The following ARHGEF18 variants were observed in gnomAD, a reference collection of about 807,000 sequenced individuals.
ARHGEF18 encodes the protein rho guanine nucleotide exchange factor 18.
ARHGEF18 carries 93 observed loss-of-function variants against 155.7 expected under a neutral mutation model. The observed-to-expected ratio is 0.60, with a 90% CI of 0.50 to 0.71. ARHGEF18 has a LOEUF of 0.71. Among genes scored for constraint, ARHGEF18 ranks in the 30% least tolerant of loss-of-function variants. ARHGEF18 has a pLI of 0.00. For missense variants in ARHGEF18, 1,593 were observed against 1,816.1 expected (o/e 0.88, Z 2.23); for synonymous variants, 742 against 753.1 (o/e 0.99, Z 0.24).
chr19:7,421,723 C>A (rs949272475), intron 10 of ARHGEF18, among the ~76,000 whole-genome samples: 3 of 152,124 alleles, frequency 2.0e-5, no homozygotes, highest in African/African-American at 7.2e-5. Context: ...GATGGTGCCA[C>A]TGCACTCCAG....
intron 10 of ARHGEF18, among the ~76,000 whole-genome samples, chr19:7,423,561 C>T (rs915629220): frequency 2.6e-5 from 4 of 151,838 alleles, no homozygotes; most frequent in South Asian, 2.1e-4. Context: ...ATTAGCCGGG[C>T]GTGGTAATGC....
chr19:7,469,931 T>C lies in ARHGEF18; in HGVS notation c.3815T>C (p.Leu1272Pro). 7 of 1,612,952 alleles carry C rather than the reference T, an allele frequency of 4.3e-6. No homozygotes were observed. Among genetic ancestry groups the C allele is most frequent in the Non-Finnish European group, 5.9e-6 (7 of 1,179,834 alleles). The change falls in exon 28 of 29, where the codon CTG becomes CCG. Residue 1272 changes from leucine to proline, a missense_variant. Physicochemically the swap from Leu to Pro is moderately conservative, Grantham distance 98. Transcript: ENST00000668164. ...TCCTTCGACCTGAAGCAGCAGCTGC[T>C]GCTCAACAAGCTCATGGGGAAAGAT... ...SASFDLKQQL[L>P]LNKLMGKDES... is the part of the protein sequence containing the mutation.
At chr19:7,349,886 G>C (rs78529044) in intron 1 of ARHGEF18, among the ~76,000 whole-genome samples, 3 of 152,018 alleles carry the variant, frequency 2.0e-5, no homozygotes, top group African/African-American at 7.2e-5. Flanking sequence ...TGCAGATTCC[G>C]GGCCCCCCAA....
intron 23 of ARHGEF18, among the ~76,000 whole-genome samples, chr19:7,465,956 T>C (rs1298549972): frequency 6.6e-6 from 1 of 152,096 alleles, no homozygotes; most frequent in Non-Finnish European, 1.5e-5. Context: ...TGGTGGTGGA[T>C]ACCTGTAATC....
chr19:7,429,975 T>A (rs1329134694), intron 10 of ARHGEF18, among the ~76,000 whole-genome samples: 1 of 152,124 alleles, frequency 6.6e-6, no homozygotes, highest in Non-Finnish European at 1.5e-5. Flanking sequence ...CTTTTTTTTT[T>A]TTTAAGGAAA....
intron 10 of ARHGEF18, among the ~76,000 whole-genome samples, chr19:7,391,752 G>A (rs2145511459): frequency 6.6e-6 from 1 of 151,866 alleles, no homozygotes; most frequent in East Asian, 1.9e-4. Flanking sequence ...CAGGACCAGG[G>A]GAGCCACTGG....
At chr19:7,405,965 C>T (rs1972282570) in intron 10 of ARHGEF18, among the ~76,000 whole-genome samples, 2 of 152,184 alleles carry the variant, frequency 1.3e-5, no homozygotes, top group Admixed American at 1.3e-4. Context: ...AGGCTCTTTA[C>T]AACACAGTGA....
intron 20 of ARHGEF18, among the ~76,000 whole-genome samples, chr19:7,461,669 T>G (rs962004666): frequency 1.1e-4 from 17 of 152,104 alleles, no homozygotes; most frequent in African/African-American, 4.1e-4. Flanking sequence ...CCTACTGTGT[T>G]TGATTTTATT....
chr19:7,388,901 ATATACT>A (rs1352618157), intron 10 of ARHGEF18, among the ~76,000 whole-genome samples: 1 of 151,998 alleles, frequency 6.6e-6, no homozygotes, highest in Non-Finnish European at 1.5e-5. Context: ...TTTTTAAAAA[ATATACT>A]TTTAATTTTA....
chr19:7,429,027 C>T (rs1973814373), intron 10 of ARHGEF18, among the ~76,000 whole-genome samples: 1 of 152,230 alleles, frequency 6.6e-6, no homozygotes, highest in Non-Finnish European at 1.5e-5. Context: ...AGGCCACGGG[C>T]CCGAGGGCAG....
At position 7,462,919 on chromosome 19, in the gene ARHGEF18, C is replaced by T. The variant is rs1274451585; in HGVS notation, c.2635+585C>T. ...TGGCGTGATCTCGGCTCACTGCAAC[C>T]TCCACCTCCTGGGTTTAAGTAATTC... On this transcript the variant is annotated intron_variant, in intron 21 of 28. Transcript: ENST00000668164. The surrounding 1 kb of genome is among the most constrained non-coding windows in gnomAD (Gnocchi z 4.4). 2.0e-5 allele frequency among the ~76,000 whole-genome samples: 3 copies of T among 149,896 alleles called. No homozygotes were observed. Among genetic ancestry groups the T allele is most frequent in the Non-Finnish European group, 4.4e-5 (3 of 67,778 alleles).
In ARHGEF18 at chr19:7,395,100, A is replaced by G; in HGVS notation, c.967+11897A>G. Reference sequence around the variant, plus strand: ...CCCCGCCTCCGAGGCGGGATCGCGCATGCGCTGCTCTCCTCGCGCGGCTTC... The same window carrying G: ...CCCCGCCTCCGAGGCGGGATCGCGCGTGCGCTGCTCTCCTCGCGCGGCTTC... On this transcript the variant is annotated intron_variant, in intron 10 of 28. Coordinates refer to ENST00000668164, the MANE Select transcript of ARHGEF18 (RefSeq NM_001367823.1). This position sits in a 1 kb window ranked among gnomAD's most constrained non-coding sequence, Gnocchi z 5.0. The G allele has an allele frequency of 1.0e-6, 1 of 985,484 alleles. No individual in the cohort carries two copies. The highest frequency in any genetic ancestry group is 1.7e-5 in the African/African-American group (1 of 57,356). The allele number at this position is 985,484 out of a possible 1,614,324, so 61.0% of individuals were successfully genotyped here. A position where few individuals can be genotyped will look rare whatever the true frequency, so the allele number is the denominator to read the frequency against.
At position 7,470,039 on chromosome 19, in the gene ARHGEF18, C is replaced by G. The variant is rs1209445465; in HGVS notation, c.3913+10C>G. On this transcript the variant is annotated intron_variant, in intron 28 of 28. Coordinates refer to ENST00000668164, the MANE Select transcript of ARHGEF18 (RefSeq NM_001367823.1). The surrounding 1 kb of genome is among the most constrained non-coding windows in gnomAD (Gnocchi z 5.9). ...CCTGCGCCCCCACCAGGTGAGCCCCCACCCCCTGACATGAGCCCAGTCCCA... is the reference window on the plus strand; with the variant it reads ...CCTGCGCCCCCACCAGGTGAGCCCCGACCCCCTGACATGAGCCCAGTCCCA... The G allele has an allele frequency of 1.9e-6, 3 of 1,612,400 alleles. No individual in the cohort carries two copies. The highest frequency in any genetic ancestry group is 2.5e-6 in the Non-Finnish European group (3 of 1,179,672).
chr19:7,470,686 G>C lies in ARHGEF18; in HGVS notation c.*388G>C, dbSNP rs1411781230. On this transcript the variant is annotated 3_prime_UTR_variant, in exon 29 of 29. Transcript: ENST00000668164. The surrounding 1 kb of genome is among the most constrained non-coding windows in gnomAD (Gnocchi z 5.9). ...CGGCTCTGCACGGAGCTGAGGACAG[G>C]ACAGACCTTGCTTTGAGAAGGAGCT... The C allele has an allele frequency of 1.5e-5, 6 of 399,532 alleles. No homozygotes were observed. Among genetic ancestry groups the C allele is most frequent in the Non-Finnish European group, 2.7e-5 (6 of 225,784 alleles). The allele number at this position is 399,532 out of a possible 1,614,324, so 24.7% of individuals were successfully genotyped here.
At chr19:7,464,168 G>T (rs1568363817) in intron 22 of ARHGEF18, among the ~76,000 whole-genome samples, 1 of 152,150 alleles carries the variant, frequency 6.6e-6, no homozygotes, top group African/African-American at 2.4e-5. Flanking sequence ...CTACCAAGTA[G>T]CTGGGACTAT....
At position 7,462,005 on chromosome 19, in the gene ARHGEF18, T is replaced by C; in HGVS notation, c.2453-147T>C. The C allele has an allele frequency of 5.8e-6, 5 of 866,410 alleles. No individual in the cohort carries two copies. In the South Asian group the frequency reaches 7.9e-5, roughly 14 times the overall value. The allele number at this position is 866,410 out of a possible 1,614,324, so 53.7% of individuals were successfully genotyped here. ...CAGAGGACAAGGCCATGCCCTCCCCTACCTCCCAGGAATGCAGGACACAAG... is the reference window on the plus strand; with the variant it reads ...CAGAGGACAAGGCCATGCCCTCCCCCACCTCCCAGGAATGCAGGACACAAG... On this transcript the variant is annotated intron_variant, in intron 20 of 28. Transcript: ENST00000668164. This position sits in a 1 kb window ranked among gnomAD's most constrained non-coding sequence, Gnocchi z 4.4.
intron 19 of ARHGEF18, among the ~76,000 whole-genome samples, chr19:7,459,679 G>T (rs1976072869): frequency 6.6e-6 from 1 of 152,356 alleles, no homozygotes; most frequent in South Asian, 2.1e-4. Flanking sequence ...CTAAGTCACA[G>T]GCAGGCATGT....
At chr19:7,375,180 G>A (rs1654736526) in intron 3 of ARHGEF18, among the ~76,000 whole-genome samples, 1 of 151,580 alleles carries the variant, frequency 6.6e-6, no homozygotes, top group African/African-American at 2.4e-5. Flanking sequence ...GCTGAGGGAG[G>A]AGAATCGTTT....
intron 10 of ARHGEF18, chr19:7,392,640 A>G (rs1971469162): frequency 6.7e-6 from 1 of 150,368 alleles, no homozygotes; most frequent in Non-Finnish European, 1.5e-5. Flanking sequence ...ACTTGAACCC[A>G]GGAGGTGGAG....
Sources: gnomAD v4.1 joint callset for allele counts (sites outside exome capture counted in the v4.1 genomes callset) on GRCh38, gnomAD v4.1.1 for gene constraint, Gnocchi (gnomAD v3.1) non-coding constraint, MANE v1.5 for transcripts, NCBI Gene and HGNC (gene_info 2026-07-23, HGNC 2026-07-21) for gene names.